The following COL25A1 variants were observed in gnomAD, a reference collection of about 807,000 sequenced individuals.
COL25A1 encodes the protein collagen type XXV alpha 1 chain.
COL25A1 carries 103 observed loss-of-function variants against 128.4 expected under a neutral mutation model. That is an observed-to-expected ratio of 0.80 (90% confidence interval 0.68 to 0.94). The LOEUF (loss-of-function observed/expected upper bound fraction) is 0.94, where lower values mean the gene tolerates loss of function less well. Among genes scored for constraint, COL25A1 ranks in the 40% least tolerant of loss-of-function variants. The pLI is 0.00. For synonymous variants in COL25A1, 279 were observed against 277.2 expected, an observed-to-expected ratio of 1.01 and a Z score of -0.06; for missense variants, 745 against 840.0, an observed-to-expected ratio of 0.89 and a Z score of 1.40.
intron 3 of COL25A1, among the ~76,000 whole-genome samples, chr4:109,282,926 A>G (rs1445601000): frequency 2.6e-5 from 4 of 152,206 alleles, no homozygotes; most frequent in Non-Finnish European, 5.9e-5. Flanking sequence ...CCTAATTATG[A>G]CTAGTTACTA....
At position 109,283,056 on chromosome 4, in the gene COL25A1, G is replaced by A. The variant is rs114652644; in HGVS notation, c.367+17527C>T. Among the ~76,000 whole-genome samples, 823 of 152,288 alleles carry A rather than the reference G, an allele frequency of 5.4e-3. 10 individuals carry two copies. The highest frequency in any genetic ancestry group is 0.019 in the African/African-American group (782 of 41,550). The stretch of plus-strand genomic sequence containing the variant: ...TTCTTAATGAACATAAGAACAAGCT[G>A]TATACTCTGAAATGTGTCACACACA... On this transcript the variant is annotated intron_variant, in intron 3 of 37. Coordinates refer to ENST00000399132, the MANE Select transcript of COL25A1 (RefSeq NM_198721.4).
intron 3 of COL25A1, among the ~76,000 whole-genome samples, chr4:109,276,790 G>A (rs901122306): frequency 8.5e-5 from 13 of 152,118 alleles, no homozygotes; most frequent in African/African-American, 2.9e-4. Flanking sequence ...AACCTTGTTA[G>A]ATGGGAAAAA....
chr4:109,158,244 G>A (rs1292718840), intron 3 of COL25A1, among the ~76,000 whole-genome samples: 1 of 151,990 alleles, frequency 6.6e-6, no homozygotes, highest in East Asian at 1.9e-4. Flanking sequence ...CTTTAGGGTT[G>A]CAGGGGGATA....
chr4:109,191,213 G>A lies in COL25A1; in HGVS notation c.367+109370C>T, dbSNP rs544139858. On this transcript the variant is annotated intron_variant, in intron 3 of 37. Transcript: ENST00000399132. ...ACACATTGGGAAAACAATTAGTTTCGCAGTAAATTCAGTGATGAAATAAAT... is the reference window on the plus strand; with the variant it reads ...ACACATTGGGAAAACAATTAGTTTCACAGTAAATTCAGTGATGAAATAAAT... 5.9e-5 allele frequency among the ~76,000 whole-genome samples: 9 copies of A among 152,254 alleles called. No homozygotes were observed. In the East Asian group the frequency reaches 7.7e-4, roughly 13 times the overall value.
intron 3 of COL25A1, among the ~76,000 whole-genome samples, chr4:109,055,307 C>T (rs1426657302): frequency 6.6e-6 from 1 of 152,210 alleles, no homozygotes; most frequent in Non-Finnish European, 1.5e-5. Context: ...CTGCTCAGAA[C>T]CTGGACCATC....
intron 6 of COL25A1, among the ~76,000 whole-genome samples, chr4:108,982,520 G>T (rs920197549): frequency 1.3e-5 from 2 of 152,270 alleles, no homozygotes; most frequent in Non-Finnish European, 2.9e-5. Context: ...ATAAAACTCT[G>T]TGTTCAAAAC....
intron 11 of COL25A1, among the ~76,000 whole-genome samples, chr4:108,932,131 C>T (rs1189638913): frequency 1.3e-5 from 2 of 152,212 alleles, no homozygotes; most frequent in East Asian, 3.9e-4. Flanking sequence ...CAGTGTCTGC[C>T]ATCTGCTGAT....
At chr4:108,837,701 A>G (rs1397122469) in intron 31 of COL25A1, among the ~76,000 whole-genome samples, 1 of 152,214 alleles carries the variant, frequency 6.6e-6, no homozygotes, top group Non-Finnish European at 1.5e-5. Context: ...AGAGGGCTAC[A>G]GTTTTTGGTA....
chr4:108,819,349 CATA>C lies in COL25A1; in HGVS notation c.1846-23_1846-21del. The stretch of plus-strand genomic sequence containing the variant: ...GAATCCCTGTTTGTAAAGATTAACT[CATA>C]ATGTTACTAACACAAGAAATCACTT... On this transcript the variant is annotated intron_variant, in intron 35 of 37. Coordinates refer to ENST00000399132, the MANE Select transcript of COL25A1 (RefSeq NM_198721.4). 1 of 1,583,286 alleles carries C rather than the reference CATA, an allele frequency of 6.3e-7. No homozygotes were observed. Among genetic ancestry groups the C allele is most frequent in the Non-Finnish European group, 8.6e-7 (1 of 1,159,032 alleles).
intron 6 of COL25A1, among the ~76,000 whole-genome samples, chr4:108,977,123 C>A (rs1752513721): frequency 6.6e-6 from 1 of 152,128 alleles, no homozygotes; most frequent in African/African-American, 2.4e-5. Context: ...CTATCTGGTG[C>A]CTGCCTTCAA....
At chr4:109,055,000 C>T (rs1423779171) in intron 3 of COL25A1, among the ~76,000 whole-genome samples, 1 of 152,182 alleles carries the variant, frequency 6.6e-6, no homozygotes, top group Non-Finnish European at 1.5e-5. Flanking sequence ...CCCCATCCTC[C>T]AGCTACATTC....
At chr4:109,301,178 G>C (rs940646575) in intron 2 of COL25A1, among the ~76,000 whole-genome samples, 1 of 151,226 alleles carries the variant, frequency 6.6e-6, no homozygotes, top group Non-Finnish European at 1.5e-5. Flanking sequence ...TAAATACCCC[G>C]GCACTGCATC....
Position 108,906,779 on chromosome 4 carries a change from T to C in COL25A1, c.781-5607A>G, listed in dbSNP as rs554517041. Among the ~76,000 whole-genome samples, 3 of 152,310 alleles carry C rather than the reference T, an allele frequency of 2.0e-5. No individual in the cohort carries two copies. In the East Asian group the frequency reaches 5.8e-4, roughly 29 times the overall value. On this transcript the variant is annotated intron_variant, in intron 13 of 37. Transcript: ENST00000399132. Reference sequence around the variant, plus strand: ...TCTATGAGCTCCTTGGGCAGAGAACTTGGTCTATTTTGCTCATTACTCTTT... The same window carrying C: ...TCTATGAGCTCCTTGGGCAGAGAACCTGGTCTATTTTGCTCATTACTCTTT...
At position 108,838,314 on chromosome 4, in the gene COL25A1, G is replaced by GA. The variant is rs1255676210; in HGVS notation, c.1656+3380dup. ...GAGTCAGGCTAGATTTGTCTTGCAC[G>GA]AAACATTAATTTTTAAAGTTAAAAT... is the stretch of plus-strand genomic sequence containing the variant. On this transcript the variant is annotated intron_variant, in intron 31 of 37. Transcript: ENST00000399132. 1.8e-5 allele frequency: 11 copies of GA among 618,306 alleles called. No homozygotes were observed. In the African/African-American group the frequency reaches 1.9e-4, roughly 10 times the overall value. 38.3% of individuals were successfully genotyped at this position (618,306 alleles called of 1,614,324 possible). A position where few individuals can be genotyped will look rare whatever the true frequency, so the allele number is the denominator to read the frequency against.
At chr4:109,067,477 C>T (rs1762546839) in intron 3 of COL25A1, among the ~76,000 whole-genome samples, 1 of 152,076 alleles carries the variant, frequency 6.6e-6, no homozygotes. Flanking sequence ...TTAAAAATTA[C>T]AGTCACAGAG....
chr4:109,271,974 C>G (rs908899164), intron 3 of COL25A1, among the ~76,000 whole-genome samples: 4 of 152,126 alleles, frequency 2.6e-5, no homozygotes, highest in Non-Finnish European at 4.4e-5. Flanking sequence ...CATGGTGGCT[C>G]ATGCCTGTAA....
At chr4:108,814,912 A>C (rs954038734) in intron 37 of COL25A1, among the ~76,000 whole-genome samples, 8 of 152,184 alleles carry the variant, frequency 5.3e-5, no homozygotes. Context: ...TTTATTTATT[A>C]ACATTTGTTT....
At chr4:109,066,607 T>C (rs1762474317) in intron 3 of COL25A1, among the ~76,000 whole-genome samples, 1 of 152,206 alleles carries the variant, frequency 6.6e-6, no homozygotes, top group African/African-American at 2.4e-5. Flanking sequence ...AGATTATAAA[T>C]AGATACTTGG....
intron 8 of COL25A1, among the ~76,000 whole-genome samples, chr4:108,956,895 A>G (rs780451603): frequency 2.0e-5 from 3 of 152,202 alleles, no homozygotes; most frequent in Non-Finnish European, 4.4e-5. Context: ...GAATGATGAG[A>G]GTGGTATACT....
Sources: gnomAD v4.1 joint callset for allele counts (sites outside exome capture counted in the v4.1 genomes callset) on GRCh38, gnomAD v4.1.1 for gene constraint, MANE v1.5 for transcripts, NCBI Gene and HGNC (gene_info 2026-07-23, HGNC 2026-07-21) for gene names.